Variants in PRKCQ observed in about 807,000 individuals in gnomAD.
PRKCQ encodes protein kinase C theta type.
PRKCQ carries 41 observed loss-of-function variants against 91.2 expected under a neutral mutation model. The observed-to-expected ratio is 0.45, with a 90% CI of 0.35 to 0.58. PRKCQ has a LOEUF of 0.58. PRKCQ is among the 20% of genes least tolerant of loss of function. The pLI, the probability that PRKCQ is intolerant of heterozygous loss-of-function variation, is 0.00. For missense variants in PRKCQ, 673 were observed against 896.5 expected, an observed-to-expected ratio of 0.75 and a Z score of 3.18; for synonymous variants, 307 against 316.9, an observed-to-expected ratio of 0.97 and a Z score of 0.33.
intron 1 of PRKCQ, chr10:6,515,483 G>A (rs768679042): frequency 2.0e-6 from 2 of 985,262 alleles, no homozygotes; most frequent in South Asian, 4.7e-5. Context: ...TATGTCTTCT[G>A]TTATTCAAGT....
chr10:6,488,366 T>A (rs1837047317), intron 8 of PRKCQ, among the ~76,000 whole-genome samples: 1 of 151,794 alleles, frequency 6.6e-6, no homozygotes, highest in Admixed American at 6.6e-5. Context: ...AAAGCAGAAT[T>A]TTCTATGTAA....
At chr10:6,398,916 A>C in the PRKCQ span, among the ~76,000 whole-genome samples, 1 of 151,920 alleles carries the variant, frequency 6.6e-6, no homozygotes, top group South Asian at 2.1e-4. Flanking sequence ...ACCACACCCA[A>C]CTAATTAAAA....
chr10:6,579,825 G>A (rs181055729), intron 1 of PRKCQ, among the ~76,000 whole-genome samples: 2 of 123,178 alleles, frequency 1.6e-5, no homozygotes, highest in African/African-American at 6.1e-5. Context: ...CAGAAAACAT[G>A]TTTCCTCACG....
chr10:6,481,662 G>A (rs769235300), intron 11 of PRKCQ, among the ~76,000 whole-genome samples: 5 of 152,174 alleles, frequency 3.3e-5, no homozygotes, highest in Admixed American at 1.3e-4. Context: ...TGTGGTGACC[G>A]CTCAGTTGCA....
chr10:6,577,124 G>A (rs777082218), intron 1 of PRKCQ, among the ~76,000 whole-genome samples: 1 of 152,130 alleles, frequency 6.6e-6, no homozygotes, highest in Non-Finnish European at 1.5e-5. Flanking sequence ...GCAGAAAGAT[G>A]TCCTGCCAAA....
chr10:6,423,807 G>A (rs911377376), downstream of PRKCQ, among the ~76,000 whole-genome samples: 4 of 152,150 alleles, frequency 2.6e-5, no homozygotes, highest in African/African-American at 9.7e-5. Context: ...AAATTCTTCA[G>A]GAGAGAGGAC....
intron 12 of PRKCQ, among the ~76,000 whole-genome samples, chr10:6,468,722 T>A (rs1489392364): frequency 6.6e-6 from 1 of 152,194 alleles, no homozygotes; most frequent in Non-Finnish European, 1.5e-5. Flanking sequence ...GCAAAATAAA[T>A]AAAATTAAGA....
intron 16 of PRKCQ, among the ~76,000 whole-genome samples, chr10:6,436,361 G>A (rs934304878): frequency 6.6e-6 from 1 of 152,102 alleles, no homozygotes. Context: ...GAGATGTCCT[G>A]GGTGCTCTTC....
At chr10:6,478,325 T>C (rs941437547) in intron 12 of PRKCQ, among the ~76,000 whole-genome samples, 1 of 152,182 alleles carries the variant, frequency 6.6e-6, no homozygotes, top group Non-Finnish European at 1.5e-5. Context: ...GGATTATAAG[T>C]GATTTTCTTC....
intron 15 of PRKCQ, among the ~76,000 whole-genome samples, chr10:6,445,629 A>T (rs658344): frequency 0.043 from 6,504 of 152,360 alleles, 276 homozygotes; most frequent in African/African-American, 0.11. Flanking sequence ...CTGAAAATAA[A>T]GTTGCAAACA....
At chr10:6,466,140 C>T (rs1340377829) in intron 12 of PRKCQ, among the ~76,000 whole-genome samples, 1 of 152,198 alleles carries the variant, frequency 6.6e-6, no homozygotes, top group Non-Finnish European at 1.5e-5. Flanking sequence ...AAACCATTTC[C>T]AACAGTGCTT....
At chr10:6,561,038 CA>C (rs35347205) in intron 1 of PRKCQ, among the ~76,000 whole-genome samples, 38 of 140,974 alleles carry the variant, frequency 2.7e-4, no homozygotes, top group African/African-American at 6.4e-4. Flanking sequence ...GACTCCATTT[CA>C]AAAAAAAAAA....
intron 14 of PRKCQ, among the ~76,000 whole-genome samples, chr10:6,457,543 T>C (rs2132311694): frequency 6.6e-6 from 1 of 152,318 alleles, no homozygotes; most frequent in Non-Finnish European, 1.5e-5. Flanking sequence ...TTTGACCTTG[T>C]ACCACAGCTG....
At position 6,483,880 on chromosome 10, in the gene PRKCQ, T is replaced by C. The variant is rs143855763; in HGVS notation, c.1019-280A>G. Among the ~76,000 whole-genome samples the C allele has an allele frequency of 1.8e-3, 270 of 152,278 alleles. 1 individual carries two copies. Among genetic ancestry groups the C allele is most frequent in the African/African-American group, 6.1e-3 (254 of 41,562 alleles). Reference sequence around the variant, plus strand: ...AAATAGTTCAACTTAAGAAACAAATTCCAATCAGTAAAAGACCATATATGC... The same window carrying C: ...AAATAGTTCAACTTAAGAAACAAATCCCAATCAGTAAAAGACCATATATGC... On this transcript the variant is annotated intron_variant, in intron 10 of 17. Coordinates refer to ENST00000263125, the MANE Select transcript of PRKCQ (RefSeq NM_006257.5).
chr10:6,580,034 T>C (rs1281754244), intron 1 of PRKCQ, among the ~76,000 whole-genome samples, 177 bp downstream of exon 1: 1 of 151,986 alleles, frequency 6.6e-6, no homozygotes, highest in Non-Finnish European at 1.5e-5. Flanking sequence ...AGCGGGGAAA[T>C]TCTTCCCGGT....
At chr10:6,428,507 T>A in intron 17 of PRKCQ, 145 bp from the exon 18 acceptor site, 2 of 790,020 alleles carry the variant, frequency 2.5e-6, no homozygotes, top group Admixed American at 2.3e-5. Flanking sequence ...TGCCTACAGA[T>A]GACCATGCCC....
intron 15 of PRKCQ, among the ~76,000 whole-genome samples, chr10:6,449,377 T>A (rs1241342714): frequency 6.6e-6 from 1 of 151,850 alleles, no homozygotes; most frequent in South Asian, 2.1e-4. Flanking sequence ...AAGGGAAGTT[T>A]AGAGAAAAAA....
chr10:6,402,107 CA>C, the PRKCQ span, among the ~76,000 whole-genome samples: 1 of 152,010 alleles, frequency 6.6e-6, no homozygotes, highest in Non-Finnish European at 1.5e-5. Context: ...AACAGAAAAC[CA>C]AACACCGCAT....
intron 1 of PRKCQ, among the ~76,000 whole-genome samples, chr10:6,551,577 T>A (rs1288940539): frequency 6.6e-6 from 1 of 152,032 alleles, no homozygotes; most frequent in Non-Finnish European, 1.5e-5. Context: ...TTTGTATTTT[T>A]AGTAGAGACG....
Sources: gnomAD v4.1 joint callset for allele counts (sites outside exome capture counted in the v4.1 genomes callset) on GRCh38, gnomAD v4.1.1 for gene constraint, MANE v1.5 for transcripts, NCBI Gene and HGNC (gene_info 2026-07-23, HGNC 2026-07-21) for gene names.